Variants in SHMT2 observed in about 807,000 individuals in gnomAD.
SHMT2 encodes the protein serine hydroxymethyltransferase, mitochondrial.
In SHMT2, 38 loss-of-function variants were observed where a neutral mutation model predicts 59.6. That is an observed-to-expected ratio of 0.64 (90% CI 0.49 to 0.84). SHMT2 has a LOEUF of 0.84. Ranked by LOEUF, SHMT2 falls within the 40% of genes least tolerant of loss-of-function variation. The pLI, the probability that SHMT2 is intolerant of heterozygous loss-of-function variation, is 0.00. For missense variants in SHMT2, 533 were observed against 659.5 expected (o/e 0.81, Z 2.10); for synonymous variants, 254 against 258.1 (o/e 0.98, Z 0.15).
intron 4 of SHMT2, 25 bp downstream of exon 4, chr12:57,231,938 G>A (rs1193162290): frequency 6.3e-7 from 1 of 1,586,212 alleles, no homozygotes; most frequent in Non-Finnish European, 8.6e-7. Flanking sequence ...GCTGGCTGAT[G>A]GTCTTGGCGG....
Position 57,233,596 on chromosome 12 carries a change from C to A in SHMT2, c.1057C>A (p.Gln353Lys), listed in dbSNP as rs1173498575. 1 of 1,613,970 alleles carries A rather than the reference C, an allele frequency of 6.2e-7. No homozygotes were observed. The highest frequency in any genetic ancestry group is 1.3e-5 in the African/African-American group (1 of 74,940). The change falls in exon 9 of 12, where the codon CAG becomes AAG. Residue 353 changes from glutamine to lysine, a missense_variant. Physicochemically the swap from Gln to Lys is moderately conservative, Grantham distance 53 (BLOSUM62 1). Coordinates refer to ENST00000328923, the MANE Select transcript of SHMT2 (RefSeq NM_005412.6). Reference protein sequence around the residue: ...CTPMFREYSLQVLKNARAMAD... With the variant: ...CTPMFREYSLKVLKNARAMAD... The stretch of plus-strand genomic sequence containing the variant: ...CCCCATGTTCCGGGAGTACTCCCTG[C>A]AGGTTCTGAAGAATGCTCGGGCCAT...
chr12:57,230,974 C>A lies in SHMT2; in HGVS notation c.205C>A (p.Arg69Ser), dbSNP rs373440935. The A allele has an allele frequency of 2.5e-6, 4 of 1,613,452 alleles. No homozygotes were observed. The African/African-American group carries it at 5.3e-5, about 22-fold the overall frequency. ...LLQREKDRQC[R>S]GLELIASENF... ...GCAGAGGGAGAAGGACAGGCAGTGTCGTGGCCTGGAGCTCATTGCCTCAGA... is the reference window on the plus strand; with the variant it reads ...GCAGAGGGAGAAGGACAGGCAGTGTAGTGGCCTGGAGCTCATTGCCTCAGA... The change falls in exon 2 of 12, where the codon CGT (arginine) becomes AGT (serine). Residue 69 changes from arginine (R) to serine (S), a missense_variant. Physicochemically the swap from Arg to Ser is moderately radical, Grantham distance 110. Transcript: ENST00000328923.
intron 2 of SHMT2, chr12:57,231,208 G>A: frequency 1.6e-6 from 1 of 615,030 alleles, no homozygotes; most frequent in East Asian, 2.8e-5. Flanking sequence ...GGTCCCTACA[G>A]TTTCATCTGA....
intron 1 of SHMT2, chr12:57,230,552 T>G: frequency 5.1e-6 from 7 of 1,375,952 alleles, no homozygotes; most frequent in Non-Finnish European, 6.6e-6. Context: ...GAGTGGTTCA[T>G]GGAGTGAGGT....
In SHMT2 at chr12:57,233,254, T is replaced by A; in HGVS notation, c.932T>A (p.Phe311Tyr). The A allele has an allele frequency of 6.2e-7, 1 of 1,609,174 alleles. No individual in the cohort carries two copies. Among genetic ancestry groups the A allele is most frequent in the Non-Finnish European group, 8.5e-7 (1 of 1,177,486 alleles). The change falls in exon 8 of 12, where the codon TTT (phenylalanine) becomes TAT (tyrosine). Residue 311 changes from phenylalanine (F) to tyrosine (Y), a missense_variant. Transcript: ENST00000328923. ...PKTGREIPYT[F>Y]EDRINFAVFP... ...ACTGGCCGGGAGATCCCTTACACAT[T>A]TGAGGACCGAATCAACTTTGCCGTG...
In SHMT2 at chr12:57,234,216, C is replaced by T. The variant is rs778219996; in HGVS notation, c.1388-18C>T. On this transcript the variant is annotated intron_variant, in intron 11 of 11. Coordinates refer to ENST00000328923, the MANE Select transcript of SHMT2 (RefSeq NM_005412.6). ...CCCTAGAGCTCTGACCACTTGTTTC[C>T]TCACCCTCTCTCTCTAGCCAAGCTC... 1 of 1,611,048 alleles carries T rather than the reference C, an allele frequency of 6.2e-7. No homozygotes were observed. Among genetic ancestry groups the T allele is most frequent in the Non-Finnish European group, 8.5e-7 (1 of 1,177,816 alleles).
rs2037462154 is a variant in SHMT2 at position 57,234,266 on chromosome 12, A to G, written c.1420A>G (p.Lys474Glu). The change falls in exon 12 of 12, where the codon AAG becomes GAG. Residue 474 changes from lysine to glutamate, a missense_variant. Physicochemically the swap from Lys to Glu is moderately conservative, Grantham distance 56. Coordinates refer to ENST00000328923, the MANE Select transcript of SHMT2 (RefSeq NM_005412.6). ...CCAGGATTTCAAATCCTTCCTGCTT[A>G]AGGACTCAGAAACAAGTCAGCGTCT... is the stretch of plus-strand genomic sequence containing the variant. ...KLQDFKSFLLKDSETSQRLAN... is the reference protein window; with the variant it reads ...KLQDFKSFLLEDSETSQRLAN... 5.0e-6 allele frequency: 8 copies of G among 1,613,624 alleles called. No homozygotes were observed. Among genetic ancestry groups the G allele is most frequent in the South Asian group, 1.1e-5 (1 of 91,014 alleles).
At chr12:57,230,302 C>G (rs2037260303) in intron 1 of SHMT2, 1 of 1,155,780 alleles carries the variant, frequency 8.7e-7, no homozygotes, top group Non-Finnish European at 1.1e-6. Context: ...ATCCCCACCC[C>G]CACCACTCCC....
At position 57,233,952 on chromosome 12, in the gene SHMT2, T is replaced by C. The variant is rs1445643284; in HGVS notation, c.1279+48T>C. On this transcript the variant is annotated intron_variant, in intron 10 of 11. Transcript: ENST00000328923. ...GGAAGGGGCTCCCATGCTGGATGAC[T>C]GCCAGGTGACCTTGGGCTATGCTCA... 3 of 1,613,956 alleles carry C rather than the reference T, an allele frequency of 1.9e-6. No individual in the cohort carries two copies. In the Admixed American group the frequency reaches 5.0e-5, roughly 27 times the overall value.
intron 3 of SHMT2, 65 bp from the exon 4 acceptor site, chr12:57,231,648 C>T: frequency 6.2e-7 from 1 of 1,611,104 alleles, no homozygotes; most frequent in Non-Finnish European, 8.5e-7. Context: ...GAGTGAACTT[C>T]CCAGTCCTTT....
chr12:57,233,802 G>A lies in SHMT2; in HGVS notation c.1177G>A (p.Gly393Arg). Residue 393 changes from glycine to arginine, a missense_variant, in exon 10 of 12, where the codon GGA (glycine) becomes AGA (arginine). Gly to Arg is a moderately radical substitution (Grantham distance 125). Coordinates refer to ENST00000328923, the MANE Select transcript of SHMT2 (RefSeq NM_005412.6). ...LVDLRPKGLD[G>R]ARAERVLELV... ...GGACCTGCGGCCCAAGGGCCTGGAT[G>A]GAGCTCGGGCTGAGCGGGTGCTAGA... 2.5e-6 allele frequency: 4 copies of A among 1,614,232 alleles called. No homozygotes were observed. Among genetic ancestry groups the A allele is most frequent in the Non-Finnish European group, 3.4e-6 (4 of 1,180,048 alleles).
intron 1 of SHMT2, chr12:57,230,206 G>C (rs772169607): frequency 8.6e-6 from 11 of 1,274,740 alleles, no homozygotes. Context: ...ATCAGGCAGG[G>C]GTCCCGGCGG....
chr12:57,232,102 G>A lies in SHMT2; in HGVS notation c.513-109G>A. 3 of 1,168,796 alleles carry A rather than the reference G, an allele frequency of 2.6e-6. No homozygotes were observed. In the East Asian group the frequency reaches 7.1e-5, roughly 27 times the overall value. 72.4% of individuals were successfully genotyped at this position (1,168,796 alleles called of 1,614,324 possible). A position where few individuals can be genotyped will look rare whatever the true frequency, so the allele number is the denominator to read the frequency against. ...ACAGAGTGGACAGAGCAGTGAGGCG[G>A]TGTGTCCTAGGACTGGTGTTCTGGG... On this transcript the variant is annotated intron_variant, in intron 4 of 11. Transcript: ENST00000328923.
At chr12:57,232,138 T>A (rs1291846073) in intron 4 of SHMT2, 73 bp from the exon 5 acceptor site, 1 of 1,357,642 alleles carries the variant, frequency 7.4e-7, no homozygotes, top group Non-Finnish European at 1.1e-6. Flanking sequence ...GACAGAGAAC[T>A]GTGGAGTTGA....
intron 4 of SHMT2, 34 bp from the exon 5 acceptor site, chr12:57,232,177 C>T (rs776578203): frequency 6.4e-5 from 102 of 1,597,566 alleles, no homozygotes; most frequent in Non-Finnish European, 8.3e-5. Flanking sequence ...GGGGTCCTTC[C>T]ACCCAGGCCT....
At position 57,232,525 on chromosome 12, in the gene SHMT2, G is replaced by A; in HGVS notation, c.667G>A (p.Ala223Thr). The change falls in exon 6 of 12, where the codon GCT (alanine) becomes ACT (threonine). Residue 223 changes from alanine (A) to threonine (T), a missense_variant. Coordinates refer to ENST00000328923, the MANE Select transcript of SHMT2 (RefSeq NM_005412.6). ...ARLFRPRLII[A>T]GTSAYARLID... Reference sequence around the variant, plus strand: ...ACTTTTCCGGCCACGGCTCATCATAGCTGGCACCAGCGCCTATGCTCGCCT... The same window carrying A: ...ACTTTTCCGGCCACGGCTCATCATAACTGGCACCAGCGCCTATGCTCGCCT... The A allele has an allele frequency of 6.2e-7, 1 of 1,614,208 alleles. No homozygotes were observed. The highest frequency in any genetic ancestry group is 1.7e-5 in the Admixed American group (1 of 60,036).
In SHMT2 at chr12:57,232,307, G is replaced by A. The variant is rs1321431320; in HGVS notation, c.594+15G>A. The A allele has an allele frequency of 6.2e-7, 1 of 1,613,518 alleles. No individual in the cohort carries two copies. The highest frequency in any genetic ancestry group is 2.2e-5 in the East Asian group (1 of 44,878). ...ATAAGCTCAACGTGAGTGCTCTAGG[G>A]TGTGGGGAGGGGCTCTTGGCCCTGG... On this transcript the variant is annotated intron_variant, in intron 5 of 11. Coordinates refer to ENST00000328923, the MANE Select transcript of SHMT2 (RefSeq NM_005412.6).
chr12:57,232,694 A>C lies in SHMT2; in HGVS notation c.718-10A>C, dbSNP rs763559667. On this transcript the variant is annotated splice_polypyrimidine_tract_variant and intron_variant, in intron 6 of 11. Coordinates refer to ENST00000328923, the MANE Select transcript of SHMT2 (RefSeq NM_005412.6). ...CCCCAGGCTGAGGCCTTGCCTCTGT[A>C]CCTGCCCAGGTGTGTGATGAAGTCA... The C allele has an allele frequency of 1.2e-6, 2 of 1,607,178 alleles. No homozygotes were observed. Among genetic ancestry groups the C allele is most frequent in the East Asian group, 2.2e-5 (1 of 44,644 alleles).
rs765905599 is a variant in SHMT2, at chr12:57,232,486, G to A, written c.628G>A (p.Ala210Thr). ...KTGLIDYNQL[A>T]LTARLFRPRL... Reference sequence around the variant, plus strand: ...TGGCCTCATTGACTACAACCAGCTGGCACTGACTGCTCGACTTTTCCGGCC... The same window carrying A: ...TGGCCTCATTGACTACAACCAGCTGACACTGACTGCTCGACTTTTCCGGCC... Residue 210 changes from alanine to threonine, a missense_variant, in exon 6 of 12, where the codon GCA (alanine) becomes ACA (threonine). Transcript: ENST00000328923. The A allele has an allele frequency of 1.2e-6, 2 of 1,614,214 alleles. No individual in the cohort carries two copies. The highest frequency in any genetic ancestry group is 1.7e-6 in the Non-Finnish European group (2 of 1,180,034).
Sources: allele counts gnomAD v4.1 joint callset, GRCh38; gene constraint gnomAD v4.1.1; transcripts MANE v1.5; gene names NCBI Gene and HGNC (gene_info 2026-07-23, HGNC 2026-07-21).